The following USP47 variants were observed in gnomAD, a reference collection of about 807,000 sequenced individuals.
USP47 encodes ubiquitin specific peptidase 47, also known as ubiquitin carboxyl-terminal hydrolase 47.
In USP47, 35 loss-of-function variants were observed where a neutral mutation model predicts 165.1. The observed-to-expected ratio is 0.21, with a 90% CI of 0.16 to 0.28. The LOEUF (loss-of-function observed/expected upper bound fraction) is 0.28. USP47 is among the 10% of genes least tolerant of loss of function. The pLI is 1.00. For missense variants in USP47, 1,277 were observed against 1,607.4 expected, an observed-to-expected ratio of 0.79 and a Z score of 3.52; for synonymous variants, 531 against 544.5, an observed-to-expected ratio of 0.98 and a Z score of 0.35.
rs1851563191 is a variant in USP47, at chr11:11,892,256, T to C, written c.496+150T>C. The C allele has an allele frequency of 5.2e-6, 4 of 763,994 alleles. No individual in the cohort carries two copies. In the South Asian group the frequency reaches 9.9e-5, roughly 19 times the overall value. The allele number at this position is 763,994 out of a possible 1,614,324, so 47.3% of individuals were successfully genotyped here. A position where few individuals can be genotyped will look rare whatever the true frequency, so the allele number is the denominator to read the frequency against. On this transcript the variant is annotated intron_variant, in intron 4 of 27. Transcript: ENST00000527733. ...AGCAGCCGCAAAGTTAGAAGAAGTA[T>C]GTGGTTTACTTTTCCTTCAACCCAC...
chr11:11,843,040 C>T (rs911390617), intron 1 of USP47, among the ~76,000 whole-genome samples: 3 of 152,066 alleles, frequency 2.0e-5, no homozygotes, highest in Admixed American at 1.3e-4. Context: ...TAAATATCTT[C>T]GGCGTATTCA....
At position 11,914,627 on chromosome 11, in the gene USP47, CA is replaced by C. The variant is rs199775441; in HGVS notation, c.970-5526del. ...ACATATTTGCAAGCTGTCTATCTGACAAAGGACTCATATCTAGAATATATAA... is the reference window on the plus strand; with the variant it reads ...ACATATTTGCAAGCTGTCTATCTGACAAGGACTCATATCTAGAATATATAA... On this transcript the variant is annotated intron_variant, in intron 8 of 27. Transcript: ENST00000527733. Among the ~76,000 whole-genome samples the C allele has an allele frequency of 7.5e-3, 1,138 of 152,094 alleles. 18 individuals carry two copies. The highest frequency in any genetic ancestry group is 0.026 in the African/African-American group (1,093 of 41,478).
At chr11:11,873,790 T>C (rs1302425762) in intron 1 of USP47, 16 of 1,422,304 alleles carry the variant, frequency 1.1e-5, no homozygotes, top group Non-Finnish European at 1.4e-5. Context: ...TTTGTTCTTA[T>C]ATACCATAGG....
chr11:11,944,997 G>C (rs945594739), intron 20 of USP47, among the ~76,000 whole-genome samples: 2 of 152,174 alleles, frequency 1.3e-5, no homozygotes, highest in African/African-American at 4.8e-5. Flanking sequence ...TTTAAATGGA[G>C]AATGTTGGCC....
Position 11,936,296 on chromosome 11 carries a change from C to G in USP47, c.1870-7C>G, listed in dbSNP as rs551219481. 2 of 1,492,164 alleles carry G rather than the reference C, an allele frequency of 1.3e-6. No individual in the cohort carries two copies. Among genetic ancestry groups the G allele is most frequent in the Non-Finnish European group, 1.8e-6 (2 of 1,113,874 alleles). 92.4% of individuals were successfully genotyped at this position (1,492,164 alleles called of 1,614,324 possible). ...TTTTTTCTTTCTGGGGGATTACTTTCTTTTAGATGATGGATTTAGAAGAGG... is the reference window on the plus strand; with the variant it reads ...TTTTTTCTTTCTGGGGGATTACTTTGTTTTAGATGATGGATTTAGAAGAGG... On this transcript the variant is annotated splice_region_variant and splice_polypyrimidine_tract_variant and intron_variant, in intron 16 of 27. Coordinates refer to ENST00000527733, the MANE Select transcript of USP47 (RefSeq NM_001282659.2).
chr11:11,875,697 A>G (rs531121083), intron 1 of USP47, among the ~76,000 whole-genome samples: 9 of 152,158 alleles, frequency 5.9e-5, no homozygotes, highest in African/African-American at 2.2e-4. Context: ...TCTACCTCCC[A>G]GGTTCAAGCG....
intron 5 of USP47, among the ~76,000 whole-genome samples, chr11:11,900,973 A>T (rs922094691): frequency 6.6e-6 from 1 of 152,214 alleles, no homozygotes; most frequent in African/African-American, 2.4e-5. Flanking sequence ...AATGTCAGTT[A>T]TAAGTACCCG....
chr11:11,935,255 A>G (rs1222321829), intron 16 of USP47, among the ~76,000 whole-genome samples: 5 of 152,012 alleles, frequency 3.3e-5, no homozygotes, highest in Admixed American at 1.3e-4. Flanking sequence ...AAGTGCAAAA[A>G]CCATTCTGGT....
chr11:11,952,846 G>A lies in USP47; in HGVS notation c.3689G>A (p.Ser1230Asn). The change falls in exon 25 of 28, where the codon AGT becomes AAT. Residue 1230 changes from serine to asparagine, a missense_variant. Coordinates refer to ENST00000527733, the MANE Select transcript of USP47 (RefSeq NM_001282659.2). ...TTCCAGGAGGTTGTATTGGAAAGCA[G>A]TAGTGTGGACGAATTGCGAGAGAAG... is the stretch of plus-strand genomic sequence containing the variant. ...DPFQEVVLES[S>N]SVDELREKLS... The A allele has an allele frequency of 6.2e-7, 1 of 1,609,892 alleles. No individual in the cohort carries two copies. The highest frequency in any genetic ancestry group is 8.5e-7 in the Non-Finnish European group (1 of 1,177,804).
intron 1 of USP47, chr11:11,873,762 A>G: frequency 2.5e-6 from 3 of 1,214,300 alleles, no homozygotes; most frequent in East Asian, 2.9e-5. Flanking sequence ...TATTTTATAT[A>G]AATAATTTGT....
Position 11,948,080 on chromosome 11 carries a change from G to A in USP47, c.3227G>A (p.Arg1076Gln), listed in dbSNP as rs1478522724. 3 of 1,612,606 alleles carry A rather than the reference G, an allele frequency of 1.9e-6. No individual in the cohort carries two copies. Among genetic ancestry groups the A allele is most frequent in the Non-Finnish European group, 2.5e-6 (3 of 1,179,522 alleles). The change falls in exon 21 of 28, where the codon CGG (arginine) becomes CAG (glutamine). Residue 1076 changes from arginine to glutamine, a missense_variant. Coordinates refer to ENST00000527733, the MANE Select transcript of USP47 (RefSeq NM_001282659.2). ...AGCAATCAAGAGTTTGAGAGCGTCCGGCTGAATGAGACACTTTCATCATTT... is the reference window on the plus strand; with the variant it reads ...AGCAATCAAGAGTTTGAGAGCGTCCAGCTGAATGAGACACTTTCATCATTT... ...YASNQEFESV[R>Q]LNETLSSFSD...
At chr11:11,939,150 T>G (rs1855292359) in intron 18 of USP47, among the ~76,000 whole-genome samples, 1 of 151,972 alleles carries the variant, frequency 6.6e-6, no homozygotes, top group Non-Finnish European at 1.5e-5. Flanking sequence ...GCAAAAGGAT[T>G]AGTCCACACC....
chr11:11,950,312 A>T, intron 23 of USP47, 52 bp from the exon 24 acceptor site: 1 of 1,281,346 alleles, frequency 7.8e-7, no homozygotes, highest in Non-Finnish European at 1.1e-6. Flanking sequence ...GTCAATCTTT[A>T]AATTGAGAGT....
At position 11,960,733 on chromosome 11, in the gene USP47, C is replaced by T. The variant is rs1310290257; in HGVS notation, c.*4558C>T. Among the ~76,000 whole-genome samples, 1 of 152,200 alleles carries T rather than the reference C, an allele frequency of 6.6e-6. No individual in the cohort carries two copies. The highest frequency in any genetic ancestry group is 2.4e-5 in the African/African-American group (1 of 41,444). The stretch of plus-strand genomic sequence containing the variant: ...CTGAGGTGGCCACTTTCAGCAAGCC[C>T]TGTGTGCAGGGGCCTAGCTGCATTT... On this transcript the variant is annotated 3_prime_UTR_variant, in exon 28 of 28. Coordinates refer to ENST00000527733, the MANE Select transcript of USP47 (RefSeq NM_001282659.2).
chr11:11,923,189 T>C (rs531766151), intron 11 of USP47, among the ~76,000 whole-genome samples: 2 of 151,320 alleles, frequency 1.3e-5, no homozygotes, highest in Admixed American at 6.6e-5. Flanking sequence ...ACAGAAACGA[T>C]GCCTAGTAGT....
chr11:11,935,992 A>C (rs1855033619), intron 16 of USP47, among the ~76,000 whole-genome samples: 1 of 151,972 alleles, frequency 6.6e-6, no homozygotes, highest in Non-Finnish European at 1.5e-5. Context: ...GATTATGAAC[A>C]ATAGTTACAA....
At chr11:11,945,946 A>AAAAAG (rs58705354) in intron 20 of USP47, among the ~76,000 whole-genome samples, 3 of 151,106 alleles carry the variant, frequency 2.0e-5, no homozygotes, top group African/African-American at 4.9e-5. Context: ...CCCCCAAAAA[A>AAAAAG]AAAAGAAAAG....
chr11:11,888,791 C>G (rs1295462366), intron 3 of USP47, among the ~76,000 whole-genome samples: 1 of 152,070 alleles, frequency 6.6e-6, no homozygotes, highest in East Asian at 1.9e-4. Flanking sequence ...AACATCGGTG[C>G]AAAAATCCTT....
intron 4 of USP47, among the ~76,000 whole-genome samples, chr11:11,897,046 C>G (rs1851892522): frequency 6.6e-6 from 1 of 150,422 alleles, no homozygotes; most frequent in Admixed American, 6.7e-5. Flanking sequence ...CTCTGCATTA[C>G]TTAGAGTCTC....
Sources: gnomAD v4.1 joint callset for allele counts (sites outside exome capture counted in the v4.1 genomes callset) on GRCh38, gnomAD v4.1.1 for gene constraint, MANE v1.5 for transcripts, NCBI Gene and HGNC (gene_info 2026-07-23, HGNC 2026-07-21) for gene names.